PLP1: variants seen among roughly 807,000 people sequenced by gnomAD.
PLP1 encodes the protein myelin proteolipid protein.
PLP1 carries 2 observed loss-of-function variants against 18.5 expected under a neutral mutation model. The ratio of observed to expected loss-of-function variants is 0.11; its 90% CI spans 0.04 to 0.34. PLP1 has a LOEUF of 0.34. PLP1 is among the 10% of genes least tolerant of loss of function. The pLI, the probability that PLP1 is intolerant of heterozygous loss-of-function variation, is 1.00. For missense variants in PLP1, 105 were observed against 207.3 expected (o/e 0.51, Z 3.03); for synonymous variants, 86 against 83.2 (o/e 1.03, Z -0.19).
intron 1 of PLP1, among the ~76,000 whole-genome samples, chrX:103,777,382 A>C (rs1036628280): frequency 9.0e-6 from 1 of 111,676 alleles, no homozygotes; most frequent in African/African-American, 3.3e-5. Context: ...AGCACTGTCT[A>C]GCCCTCAGAT....
At chrX:103,776,606 A>G (rs2074412892), upstream of PLP1, 1 of 190,237 alleles carries the variant, frequency 5.3e-6, no homozygotes, top group Non-Finnish European at 9.7e-6. Context: ...TCCACCCTCA[A>G]TCCACATTTC....
At chrX:103,777,438 G>C (rs752334427) in intron 1 of PLP1, among the ~76,000 whole-genome samples, 2 of 111,908 alleles carry the variant, frequency 1.8e-5, no homozygotes, top group African/African-American at 6.5e-5. Context: ...ACCATGTTTG[G>C]CATTAATAGG....
intron 2 of PLP1, 94 bp downstream of exon 2, chrX:103,785,862 G>A: frequency 1.2e-6 from 1 of 836,718 alleles, no homozygotes; most frequent in Non-Finnish European, 1.8e-6. Context: ...AACTAGCAGG[G>A]GACTGGGGTG....
At chrX:103,788,019 A>G (rs899138660) in intron 4 of PLP1, 53 bp downstream of exon 4, 2 of 990,903 alleles carry the variant, frequency 2.0e-6, no homozygotes, top group Non-Finnish European at 2.9e-6. Context: ...GAAGCACTAT[A>G]TATTTGGTTA....
intron 5 of PLP1, chrX:103,788,798 A>G (rs1015186451): frequency 2.2e-5 from 8 of 355,676 alleles, no homozygotes; most frequent in Non-Finnish European, 3.4e-5. Context: ...AATCCCCCAC[A>G]TGAAAATTTT....
chrX:103,789,819 T>C (rs931808233), intron 6 of PLP1, among the ~76,000 whole-genome samples: 2 of 111,632 alleles, frequency 1.8e-5, no homozygotes, highest in Admixed American at 1.9e-4. Flanking sequence ...CCACTTTGGA[T>C]ACTCTCCAGT....
intron 1 of PLP1, among the ~76,000 whole-genome samples, chrX:103,782,259 G>T (rs1479978235): frequency 8.9e-6 from 1 of 112,087 alleles, no homozygotes; most frequent in Admixed American, 9.5e-5. Flanking sequence ...TAGCTTAATA[G>T]TGATAGATTT....
At chrX:103,787,753 G>GCTGATGTAGATTTCTAAT in intron 3 of PLP1, 45 bp from the exon 4 acceptor site, 1 of 1,099,997 alleles carries the variant, frequency 9.1e-7, no homozygotes, top group Non-Finnish European at 1.3e-6. Flanking sequence ...TTCTACATCT[G>GCTGATGTAGATTTCTAAT]CAGGCTGATG....
intron 1 of PLP1, among the ~76,000 whole-genome samples, chrX:103,785,127 G>C (rs1354934269): frequency 9.1e-6 from 1 of 110,081 alleles, no homozygotes; most frequent in African/African-American, 3.3e-5. Flanking sequence ...CCAGGCTGGA[G>C]TACAATGGCG....
chrX:103,790,158 G>A (rs1353209019), intron 6 of PLP1, among the ~76,000 whole-genome samples: 1 of 112,453 alleles, frequency 8.9e-6, no homozygotes. Flanking sequence ...GCATGATGTG[G>A]CTGTGTGTCT....
chrX:103,788,118 A>G, intron 4 of PLP1, 152 bp downstream of exon 4: 1 of 553,648 alleles, frequency 1.8e-6, no homozygotes, highest in Non-Finnish European at 3.0e-6. Flanking sequence ...TCCCTACTGA[A>G]ACCAGAGAGG....
intron 1 of PLP1, chrX:103,779,843 C>G (rs1343054555): frequency 8.9e-6 from 1 of 112,405 alleles, no homozygotes; most frequent in African/African-American, 3.2e-5. Context: ...GTCTATCGTC[C>G]TGAAGCCTTG....
chrX:103,784,930 C>A (rs2074482118), intron 1 of PLP1, among the ~76,000 whole-genome samples: 1 of 112,299 alleles, frequency 8.9e-6, no homozygotes, highest in Admixed American at 9.4e-5. Flanking sequence ...CTAAAATAAG[C>A]AAGCAAACAA....
intron 1 of PLP1, among the ~76,000 whole-genome samples, 196 bp from the exon 2 acceptor site, chrX:103,785,386 T>G (rs2074486203): frequency 8.9e-6 from 1 of 112,596 alleles, no homozygotes; most frequent in Non-Finnish European, 1.9e-5. Flanking sequence ...CAAAGATTTA[T>G]TTTCAAGAAT....
chrX:103,778,689 C>T (rs1290471375), intron 1 of PLP1, among the ~76,000 whole-genome samples: 2 of 111,341 alleles, frequency 1.8e-5, no homozygotes, highest in East Asian at 2.8e-4. Context: ...GGTCCCAGGT[C>T]CTAAGGGTGG....
At chrX:103,777,065 A>G (rs1271242345) in intron 1 of PLP1, 66 bp downstream of exon 1, 2 of 1,004,162 alleles carry the variant, frequency 2.0e-6, no homozygotes, top group Non-Finnish European at 2.8e-6. Flanking sequence ...AGAATTTCCA[A>G]CTTTGGGGTT....
chrX:103,783,946 T>C (rs1010067384), intron 1 of PLP1, among the ~76,000 whole-genome samples: 4 of 112,309 alleles, frequency 3.6e-5, no homozygotes, highest in Admixed American at 9.4e-5. Flanking sequence ...TATATACATA[T>C]ATTTATATAT....
Position 103,790,992 on chromosome X carries a change from G to A in PLP1, c.*394G>A, listed in dbSNP as rs747120430. On this transcript the variant is annotated 3_prime_UTR_variant, in exon 7 of 7. Transcript: ENST00000621218. ...GGAAAGATGCTCAGGTACAGAGAAG[G>A]AATGTCTTTGGTCCTCTTGCCATCT... 612 of 215,211 alleles carry A rather than the reference G, an allele frequency of 2.8e-3. 4 individuals are homozygous for A. Among genetic ancestry groups the A allele is most frequent in the Non-Finnish European group, 4.0e-3 (478 of 118,730 alleles). The allele number at this position is 215,211 out of a possible 1,213,427, so 17.7% of individuals were successfully genotyped here.
intron 2 of PLP1, 132 bp downstream of exon 2, chrX:103,785,900 C>G (rs976112932): frequency 5.4e-6 from 4 of 739,955 alleles, no homozygotes; most frequent in Non-Finnish European, 8.3e-6. Context: ...CGAGTCTTCC[C>G]TCTGTGCAGA....
Sources: allele counts gnomAD v4.1 joint callset (sites outside exome capture counted in the v4.1 genomes callset), GRCh38; gene constraint gnomAD v4.1.1; transcripts MANE v1.5; gene names NCBI Gene and HGNC (gene_info 2026-07-23, HGNC 2026-07-21).